Variants in VSTM4 observed in about 807,000 individuals in gnomAD.
The protein encoded by VSTM4 is V-set and transmembrane domain containing 4, also known as V-set and transmembrane domain-containing protein 4.
Under a neutral mutation model 36.4 loss-of-function variants are expected in VSTM4, and 20 were observed. That is an observed-to-expected ratio of 0.55 (90% CI 0.39 to 0.80). The LOEUF (loss-of-function observed/expected upper bound fraction) is 0.80, where lower values mean the gene tolerates loss of function less well. Ranked by LOEUF, VSTM4 falls within the 30% of genes least tolerant of loss-of-function variation. The pLI is 0.00. For synonymous variants in VSTM4, 182 were observed against 173.9 expected (o/e 1.05, Z -0.37); for missense variants, 392 against 404.5 (o/e 0.97, Z 0.26).
intron 4 of VSTM4, among the ~76,000 whole-genome samples, chr10:49,075,589 G>A (rs1227584196): frequency 6.6e-6 from 1 of 152,282 alleles, no homozygotes; most frequent in Non-Finnish European, 1.5e-5. Flanking sequence ...CATTGCCACT[G>A]ATGAGGGAGG....
chr10:49,078,851 T>A (rs1265412962), intron 3 of VSTM4, among the ~76,000 whole-genome samples: 1 of 152,138 alleles, frequency 6.6e-6, no homozygotes, highest in Non-Finnish European at 1.5e-5. Flanking sequence ...AGAAATTGAT[T>A]TTTTCTTTCT....
At chr10:49,090,700 T>C (rs952588356) in intron 2 of VSTM4, among the ~76,000 whole-genome samples, 2 of 152,098 alleles carry the variant, frequency 1.3e-5, no homozygotes, top group Non-Finnish European at 1.5e-5. Flanking sequence ...CTCTGGGTGA[T>C]AGGAATGTGG....
chr10:49,015,150 C>G lies in VSTM4; in HGVS notation c.*4500G>C, dbSNP rs1214028909. Reference sequence around the variant, plus strand: ...TTTTTTTTTTTTTTTGAGACGGAATCTCACTCTATTGCCCAGGCTGGAGTG... The same window carrying G: ...TTTTTTTTTTTTTTTGAGACGGAATGTCACTCTATTGCCCAGGCTGGAGTG... On this transcript the variant is annotated 3_prime_UTR_variant, in exon 8 of 8. Coordinates refer to ENST00000332853, the MANE Select transcript of VSTM4 (RefSeq NM_001031746.5). The G allele has an allele frequency of 7.2e-6, 1 of 138,826 alleles. No individual in the cohort carries two copies. The highest frequency in any genetic ancestry group is 1.5e-5 in the Non-Finnish European group (1 of 65,718). 8.6% of individuals were successfully genotyped at this position (138,826 alleles called of 1,614,324 possible). A position where few individuals can be genotyped will look rare whatever the true frequency, so the allele number is the denominator to read the frequency against.
intron 7 of VSTM4, among the ~76,000 whole-genome samples, chr10:49,032,840 A>G (rs1243022361): frequency 1.3e-5 from 2 of 152,026 alleles, no homozygotes; most frequent in African/African-American, 2.4e-5. Context: ...AAATATAGGT[A>G]GAAGATAGAT....
intron 1 of VSTM4, among the ~76,000 whole-genome samples, chr10:49,113,863 C>T (rs1175297392): frequency 6.6e-6 from 1 of 152,144 alleles, no homozygotes; most frequent in South Asian, 2.1e-4. Context: ...CAAGCAGGAG[C>T]TCTTATCATC....
chr10:49,081,604 G>C (rs1844279877), intron 3 of VSTM4, among the ~76,000 whole-genome samples: 1 of 152,270 alleles, frequency 6.6e-6, no homozygotes, highest in South Asian at 2.1e-4. Flanking sequence ...AAAGGCCCAA[G>C]CTACAGTTTC....
Position 49,016,942 on chromosome 10 carries a change from G to A in VSTM4, c.*2708C>T, listed in dbSNP as rs1258202244. On this transcript the variant is annotated 3_prime_UTR_variant, in exon 8 of 8. Transcript: ENST00000332853. ...ACCACCAAATCTGAGAGCATCTGCT[G>A]TCTGCCTGAAAGAAGCCACTGCACT... 1 of 152,336 alleles carries A rather than the reference G, an allele frequency of 6.6e-6. No homozygotes were observed. The highest frequency in any genetic ancestry group is 2.4e-5 in the African/African-American group (1 of 41,450). 9.4% of individuals were successfully genotyped at this position (152,336 alleles called of 1,614,324 possible).
At chr10:49,079,982 T>G (rs1425103363) in intron 3 of VSTM4, among the ~76,000 whole-genome samples, 1 of 152,198 alleles carries the variant, frequency 6.6e-6, no homozygotes, top group East Asian at 1.9e-4. Context: ...TTCAGAATCA[T>G]TTTGAAAAAT....
intron 7 of VSTM4, among the ~76,000 whole-genome samples, chr10:49,041,474 C>T (rs1843520592): frequency 6.6e-6 from 1 of 152,184 alleles, no homozygotes; most frequent in Admixed American, 6.5e-5. Flanking sequence ...TTGAGAATTT[C>T]CTATGATGAG....
intron 1 of VSTM4, among the ~76,000 whole-genome samples, chr10:49,113,755 T>C (rs1251744712): frequency 1.3e-5 from 2 of 152,104 alleles, no homozygotes; most frequent in African/African-American, 4.8e-5. Context: ...GCTGTACTTA[T>C]GTATAAAATG....
At chr10:49,054,009 T>C (rs932045683) in intron 5 of VSTM4, among the ~76,000 whole-genome samples, 2 of 152,234 alleles carry the variant, frequency 1.3e-5, no homozygotes, top group Non-Finnish European at 2.9e-5. Flanking sequence ...TATGTTTGTG[T>C]CCATCCTATG....
intron 2 of VSTM4, chr10:49,103,729 A>C (rs1467571639): frequency 1.2e-6 from 2 of 1,611,942 alleles, no homozygotes; most frequent in East Asian, 2.2e-5. Context: ...AAGACAAGCA[A>C]TTTTATCTCA....
chr10:49,101,338 T>C (rs904935356), intron 2 of VSTM4, among the ~76,000 whole-genome samples: 11 of 152,032 alleles, frequency 7.2e-5, no homozygotes, highest in African/African-American at 2.7e-4. Flanking sequence ...TTGTACCATA[T>C]GTAATAGCTA....
intron 1 of VSTM4, among the ~76,000 whole-genome samples, chr10:49,114,080 CCA>C (rs1844945953): frequency 6.6e-6 from 1 of 152,186 alleles, no homozygotes; most frequent in Non-Finnish European, 1.5e-5. Context: ...GCTGGCTACT[CCA>C]CAGAGACCAC....
chr10:49,077,555 T>G (rs537685727), intron 3 of VSTM4, among the ~76,000 whole-genome samples: 1 of 152,332 alleles, frequency 6.6e-6, no homozygotes, highest in African/African-American at 2.4e-5. Flanking sequence ...GCAAAAGTAA[T>G]TCAACGGCGG....
At chr10:49,071,753 C>T (rs376841089) in intron 4 of VSTM4, among the ~76,000 whole-genome samples, 13 of 152,202 alleles carry the variant, frequency 8.5e-5, no homozygotes, top group Non-Finnish European at 1.9e-4. Flanking sequence ...GAGCAGGTGC[C>T]GGGCTCAGCT....
chr10:49,032,219 A>G (rs757023531), intron 7 of VSTM4, among the ~76,000 whole-genome samples: 3 of 152,244 alleles, frequency 2.0e-5, no homozygotes, highest in Non-Finnish European at 2.9e-5. Context: ...TACCCTTATT[A>G]TAGTCCTCAT....
At chr10:49,073,803 C>T (rs1844125594) in intron 4 of VSTM4, among the ~76,000 whole-genome samples, 1 of 152,208 alleles carries the variant, frequency 6.6e-6, no homozygotes, top group African/African-American at 2.4e-5. Flanking sequence ...TTGAGTAACC[C>T]TCTTGACATT....
intron 2 of VSTM4, among the ~76,000 whole-genome samples, chr10:49,099,347 G>A (rs1844627480): frequency 6.6e-6 from 1 of 152,194 alleles, no homozygotes; most frequent in Admixed American, 6.5e-5. Context: ...TTGCTGTGCT[G>A]TTTTTCAAAT....
Sources: gnomAD v4.1 joint callset for allele counts (sites outside exome capture counted in the v4.1 genomes callset) on GRCh38, gnomAD v4.1.1 for gene constraint, MANE v1.5 for transcripts, NCBI Gene and HGNC (gene_info 2026-07-23, HGNC 2026-07-21) for gene names.